ARHGEF3: variants seen among roughly 807,000 people sequenced by gnomAD.
The protein encoded by ARHGEF3 is 59.8 kDA protein.
In ARHGEF3, 28 loss-of-function variants were observed where a neutral mutation model predicts 63.2. The observed-to-expected ratio is 0.44, with a 90% CI of 0.33 to 0.61. The LOEUF is 0.61. Ranked by LOEUF, ARHGEF3 falls within the 20% of genes least tolerant of loss-of-function variation. ARHGEF3 has a pLI of 0.03. For missense variants in ARHGEF3, 533 were observed against 659.3 expected (o/e 0.81, Z 2.10); for synonymous variants, 266 against 254.2 (o/e 1.05, Z -0.44).
chr3:56,931,140 T>C (rs941595052), intron 3 of ARHGEF3, among the ~76,000 whole-genome samples: 28 of 152,190 alleles, frequency 1.8e-4, no homozygotes, highest in African/African-American at 6.3e-4. Context: ...GGCTTTTCCC[T>C]CCTTGAGAAG....
chr3:56,963,777 G>C (rs1302195081), intron 2 of ARHGEF3, among the ~76,000 whole-genome samples: 2 of 152,158 alleles, frequency 1.3e-5, no homozygotes, highest in Non-Finnish European at 2.9e-5. Flanking sequence ...GAAGATAATG[G>C]CTTCTTTCAC....
chr3:56,756,717 T>C (rs1238391987), intron 2 of ARHGEF3, among the ~76,000 whole-genome samples: 1 of 152,014 alleles, frequency 6.6e-6, no homozygotes, highest in Non-Finnish European at 1.5e-5. Flanking sequence ...GCCCGGCTAA[T>C]TTTTTGTATT....
At chr3:56,838,894 A>T (rs2039212629) in intron 4 of ARHGEF3, among the ~76,000 whole-genome samples, 3 of 152,136 alleles carry the variant, frequency 2.0e-5, no homozygotes, top group Non-Finnish European at 4.4e-5. Context: ...CTTTGGGAGA[A>T]CAAGGTGGGA....
At chr3:56,767,456 C>T (rs895557315) in intron 2 of ARHGEF3, among the ~76,000 whole-genome samples, 4 of 151,416 alleles carry the variant, frequency 2.6e-5, no homozygotes, top group Non-Finnish European at 5.9e-5. Context: ...TGGTGGCGGG[C>T]GCCTATAGTC....
chr3:57,014,504 C>G (rs940621713), intron 2 of ARHGEF3, among the ~76,000 whole-genome samples: 1 of 152,028 alleles, frequency 6.6e-6, no homozygotes, highest in Non-Finnish European at 1.5e-5. Flanking sequence ...CATATGCGTA[C>G]CAATGCAAGA....
Position 56,729,448 on chromosome 3 carries a change from A to G in ARHGEF3, c.1403T>C (p.Leu468Pro). ...AGVLDSEGSF[L>P]NPTTGSRELQ... Reference sequence around the variant, plus strand: ...CTCTCTGCTCCCGGTGGTGGGATTTAGGAACGATCCCTCGGAGTCAAGCAC... The same window carrying G: ...CTCTCTGCTCCCGGTGGTGGGATTTGGGAACGATCCCTCGGAGTCAAGCAC... Residue 468 changes from leucine to proline, a missense_variant, in exon 10 of 10, where the codon CTA becomes CCA. Around this residue, in one of 4 missense-constraint regions of ARHGEF3, gnomAD observed 115 missense variants for 103.4 expected, o/e 1.11. Coordinates refer to ENST00000296315, the MANE Select transcript of ARHGEF3 (RefSeq NM_019555.3). 6.2e-7 allele frequency: 1 copy of G among 1,614,118 alleles called. No individual in the cohort carries two copies. Among genetic ancestry groups the G allele is most frequent in the South Asian group, 1.1e-5 (1 of 91,070 alleles).
At chr3:57,025,927 C>T (rs574201617) in intron 2 of ARHGEF3, among the ~76,000 whole-genome samples, 2 of 152,250 alleles carry the variant, frequency 1.3e-5, no homozygotes, top group East Asian at 1.9e-4. Flanking sequence ...AGCTCAAGCC[C>T]CAGAAGCACT....
rs114030353 is a variant in ARHGEF3 at position 56,757,128 on chromosome 3, A to G, written c.205-1977T>C. Among the ~76,000 whole-genome samples, 1,107 of 152,322 alleles carry G rather than the reference A, an allele frequency of 7.3e-3. 13 individuals carry two copies. Among genetic ancestry groups the G allele is most frequent in the African/African-American group, 0.025 (1,051 of 41,558 alleles). ...TGAGATTCAACAATAAAATTCCAGA[A>G]AGTAAAGAAAAATTTTAAAAGGAAC... is the stretch of plus-strand genomic sequence containing the variant. On this transcript the variant is annotated intron_variant, in intron 2 of 9. Transcript: ENST00000296315.
At chr3:56,967,787 T>C (rs1234872411) in intron 2 of ARHGEF3, among the ~76,000 whole-genome samples, 4 of 67,732 alleles carry the variant, frequency 5.9e-5, no homozygotes, top group African/African-American at 2.4e-4. Context: ...ATTATATGAT[T>C]ATATATTACA....
intron 9 of ARHGEF3, among the ~76,000 whole-genome samples, chr3:56,731,073 G>GTCAA (rs2033120315): frequency 6.6e-6 from 1 of 152,190 alleles, no homozygotes; most frequent in Non-Finnish European, 1.5e-5. Context: ...CACATAGTCA[G>GTCAA]TACTCAAGAA....
At chr3:56,922,368 A>C (rs2042165399) in intron 3 of ARHGEF3, among the ~76,000 whole-genome samples, 1 of 152,112 alleles carries the variant, frequency 6.6e-6, no homozygotes, top group Non-Finnish European at 1.5e-5. Context: ...AAGAAAAAAA[A>C]GTTTAAAAAC....
intron 3 of ARHGEF3, among the ~76,000 whole-genome samples, chr3:56,906,563 T>C (rs748691933): frequency 5.3e-5 from 8 of 152,198 alleles, no homozygotes; most frequent in Non-Finnish European, 1.0e-4. Flanking sequence ...GGGCCAGGTG[T>C]GGTGGTTCAC....
At chr3:56,901,665 C>T (rs975600916) in intron 3 of ARHGEF3, among the ~76,000 whole-genome samples, 3 of 151,008 alleles carry the variant, frequency 2.0e-5, no homozygotes, top group Admixed American at 6.6e-5. Flanking sequence ...CTCACTGTAG[C>T]CTTAATCTCC....
chr3:56,934,355 C>CAA, intron 3 of ARHGEF3, among the ~76,000 whole-genome samples: 1 of 152,372 alleles, frequency 6.6e-6, no homozygotes, highest in East Asian at 1.9e-4. Context: ...CCTGGGCTCC[C>CAA]ACTTTGGCAG....
intron 8 of ARHGEF3, among the ~76,000 whole-genome samples, chr3:56,735,662 G>A (rs1185785881): frequency 6.6e-6 from 1 of 152,180 alleles, no homozygotes; most frequent in Admixed American, 6.5e-5. Flanking sequence ...GGAGCTTGGT[G>A]TAAGATACTA....
chr3:57,014,180 C>T (rs1276500913), intron 2 of ARHGEF3, among the ~76,000 whole-genome samples: 1 of 152,148 alleles, frequency 6.6e-6, no homozygotes, highest in African/African-American at 2.4e-5. Flanking sequence ...GCCAGCAAGA[C>T]CACGAACCCA....
At chr3:56,786,933 G>A (rs2036851451) in intron 1 of ARHGEF3, among the ~76,000 whole-genome samples, 2 of 151,592 alleles carry the variant, frequency 1.3e-5, no homozygotes, top group South Asian at 4.2e-4. Context: ...GCTAGCCATT[G>A]TAGAGTCAGT....
At chr3:56,972,711 G>A (rs1343069958) in intron 2 of ARHGEF3, among the ~76,000 whole-genome samples, 2 of 152,174 alleles carry the variant, frequency 1.3e-5, no homozygotes, top group Non-Finnish European at 1.5e-5. Context: ...CAGTGAGCAA[G>A]AGCGGAGAGT....
At chr3:56,776,065 G>A (rs748601301) in intron 1 of ARHGEF3, among the ~76,000 whole-genome samples, 3 of 152,232 alleles carry the variant, frequency 2.0e-5, no homozygotes, top group South Asian at 2.1e-4. Flanking sequence ...AAAGGCAAAC[G>A]CCAACTGGGT....
Sources: allele counts gnomAD v4.1 joint callset (sites outside exome capture counted in the v4.1 genomes callset), GRCh38; gene constraint gnomAD v4.1.1; regional missense constraint gnomAD v4.1.1; transcripts MANE v1.5; gene names NCBI Gene and HGNC (gene_info 2026-07-23, HGNC 2026-07-21).